EYA1: variants seen among roughly 807,000 people sequenced by gnomAD.
EYA1 encodes the protein protein phosphatase EYA1.
EYA1 carries 16 observed loss-of-function variants against 82.0 expected under a neutral mutation model. The observed-to-expected ratio is 0.20, with a 90% CI of 0.13 to 0.30. The LOEUF is 0.30. Among genes scored for constraint, EYA1 ranks in the 10% least tolerant of loss-of-function variants. The pLI, the probability that EYA1 is intolerant of heterozygous loss-of-function variation, is 1.00. For missense variants in EYA1, 633 were observed against 730.7 expected (o/e 0.87, Z 1.54); for synonymous variants, 261 against 264.4 (o/e 0.99, Z 0.12).
intron 1 of EYA1, among the ~76,000 whole-genome samples, chr8:71,357,519 G>A (rs1236249969): frequency 1.3e-5 from 2 of 152,204 alleles, no homozygotes; most frequent in Admixed American, 1.3e-4. Flanking sequence ...GTTTAAAATG[G>A]CTCAGAATTC....
intron 2 of EYA1, among the ~76,000 whole-genome samples, chr8:71,512,818 T>A (rs1295513356): frequency 6.6e-6 from 1 of 152,112 alleles, no homozygotes. Flanking sequence ...AAAGTTTTCT[T>A]AGTAAATAAA....
intron 9 of EYA1, among the ~76,000 whole-genome samples, chr8:71,296,237 A>G (rs1819580981): frequency 6.6e-6 from 1 of 152,184 alleles, no homozygotes; most frequent in Non-Finnish European, 1.5e-5. Flanking sequence ...AAAGCTTTGA[A>G]TATTTCATTA....
intron 2 of EYA1, among the ~76,000 whole-genome samples, chr8:71,494,135 T>A (rs1417239229): frequency 6.6e-6 from 1 of 151,960 alleles, no homozygotes; most frequent in Non-Finnish European, 1.5e-5. Flanking sequence ...GGTTTTATTA[T>A]AAAGTACAAT....
intron 4 of EYA1, among the ~76,000 whole-genome samples, chr8:71,326,995 C>G (rs6472582): frequency 0.32 from 48,515 of 152,106 alleles, 9,875 homozygotes; most frequent in East Asian, 0.64. Context: ...CCTTCACCAA[C>G]ATCTCTGCTC....
At chr8:71,298,983 T>C in intron 9 of EYA1, 64 bp downstream of exon 9, 1 of 1,531,244 alleles carries the variant, frequency 6.5e-7, no homozygotes, top group Non-Finnish European at 9.0e-7. Context: ...TATATGACTG[T>C]AGAAAAATGC....
intron 9 of EYA1, among the ~76,000 whole-genome samples, chr8:71,272,869 AAT>A (rs144755297): frequency 0.088 from 13,434 of 152,256 alleles, 1,057 homozygotes; most frequent in East Asian, 0.43. Context: ...TAAGATGAGG[AAT>A]GATTATTTTC....
At chr8:71,522,662 A>C (rs887417597) in intron 2 of EYA1, among the ~76,000 whole-genome samples, 1 of 145,268 alleles carries the variant, frequency 6.9e-6, no homozygotes, top group African/African-American at 2.6e-5. Flanking sequence ...TCTGTCACCC[A>C]GGCTGGAGTG....
intron 2 of EYA1, among the ~76,000 whole-genome samples, chr8:71,427,136 G>C (rs75329008): frequency 6.6e-6 from 1 of 152,200 alleles, no homozygotes; most frequent in East Asian, 1.9e-4. Context: ...AATGATTTTG[G>C]GGCTACAATT....
At chr8:71,274,505 C>T (rs1816900175) in intron 9 of EYA1, among the ~76,000 whole-genome samples, 1 of 152,112 alleles carries the variant, frequency 6.6e-6, no homozygotes, top group Non-Finnish European at 1.5e-5. Flanking sequence ...TGTGAAAATA[C>T]TTTGGAGGGC....
chr8:71,445,373 T>C (rs1806799551), intron 2 of EYA1, among the ~76,000 whole-genome samples: 1 of 152,174 alleles, frequency 6.6e-6, no homozygotes, highest in South Asian at 2.1e-4. Context: ...AATCAAAGAC[T>C]ATCTATCCAA....
In EYA1 at chr8:71,460,155, T is replaced by G. The variant is rs1808258111; in HGVS notation, c.33+75589A>C. 1.3e-5 allele frequency among the ~76,000 whole-genome samples: 2 copies of G among 152,320 alleles called. 1 individual carries two copies. Among genetic ancestry groups the G allele is most frequent in the Middle Eastern group, 6.8e-3 (2 of 294 alleles). On this transcript the variant is annotated intron_variant, in intron 2 of 18. Transcript: ENST00000643681. ...AGGTGTTCAATCTAAGATGAAGAGA[T>G]CTATGTAAACAAGTAATTATAATAA...
At chr8:71,486,891 C>G (rs1810612086) in intron 2 of EYA1, among the ~76,000 whole-genome samples, 1 of 151,432 alleles carries the variant, frequency 6.6e-6, no homozygotes, top group Non-Finnish European at 1.5e-5. Flanking sequence ...TTATTGGTAA[C>G]AGAAGTGCTA....
intron 2 of EYA1, among the ~76,000 whole-genome samples, chr8:71,431,647 A>C (rs1047721266): frequency 6.6e-6 from 1 of 152,140 alleles, no homozygotes; most frequent in Non-Finnish European, 1.5e-5. Flanking sequence ...TTCTTTAACC[A>C]TTCCTCCCTT....
At chr8:71,341,812 C>T (rs1825160846) in intron 3 of EYA1, among the ~76,000 whole-genome samples, 1 of 152,126 alleles carries the variant, frequency 6.6e-6, no homozygotes, top group Non-Finnish European at 1.5e-5. Context: ...ATAAACACAT[C>T]CAGACTAAAC....
At chr8:71,275,912 A>G (rs1019272549) in intron 9 of EYA1, among the ~76,000 whole-genome samples, 4 of 152,138 alleles carry the variant, frequency 2.6e-5, no homozygotes, top group African/African-American at 4.8e-5. Flanking sequence ...ATCATGTCCA[A>G]TTCAGAATAT....
chr8:71,497,099 A>G (rs757424020), intron 2 of EYA1, among the ~76,000 whole-genome samples: 8 of 152,200 alleles, frequency 5.3e-5, no homozygotes, highest in Admixed American at 2.0e-4. Flanking sequence ...TGCAAACTAC[A>G]TATCTGCTAA....
intron 2 of EYA1, among the ~76,000 whole-genome samples, chr8:71,496,164 G>A (rs896405586): frequency 3.3e-5 from 5 of 152,196 alleles, no homozygotes; most frequent in African/African-American, 1.2e-4. Flanking sequence ...ATTGAAAAAT[G>A]TAGAGGCAAG....
In EYA1 at chr8:71,215,706, C is replaced by T. The variant is rs540131742; in HGVS notation, c.1383G>A (p.Arg461=). Residue 461 remains arginine, a synonymous_variant, in exon 15 of 18, where the codon AGG becomes AGA. Coordinates refer to ENST00000340726, the MANE Select transcript of EYA1 (RefSeq NM_000503.6). ...NVGGLLGPAK[R]EAWLQLRAEI... ...CGGCCCTCAACTGCAGCCAGGCTTC[C>T]CTCTTAGCTGGACCAAGCAGACCTG... 3.2e-5 allele frequency: 52 copies of T among 1,613,960 alleles called. No individual in the cohort carries two copies. In the Middle Eastern group the frequency reaches 9.9e-4, roughly 31 times the overall value.
chr8:71,428,545 G>A (rs986516927), intron 2 of EYA1, among the ~76,000 whole-genome samples: 3 of 152,138 alleles, frequency 2.0e-5, no homozygotes, highest in Non-Finnish European at 4.4e-5. Context: ...GAAATACTCT[G>A]TACAGAGCAC....
Sources: allele counts gnomAD v4.1 joint callset (sites outside exome capture counted in the v4.1 genomes callset), GRCh38; gene constraint gnomAD v4.1.1; transcripts MANE v1.5; gene names NCBI Gene and HGNC (gene_info 2026-07-23, HGNC 2026-07-21).